Variants in MYO1C observed in about 807,000 individuals in gnomAD.
MYO1C encodes the protein unconventional myosin-Ic.
MYO1C carries 104 observed loss-of-function variants against 150.8 expected under a neutral mutation model. That is an observed-to-expected ratio of 0.69 (90% CI 0.59 to 0.81). The LOEUF is 0.81. MYO1C is among the 30% of genes least tolerant of loss of function. The probability of loss-of-function intolerance (pLI) is 0.00; values close to 1 mark genes in which losing one functional copy is unlikely to be tolerated. For missense variants in MYO1C, 1,504 were observed against 1,435.0 expected (o/e 1.05, Z -0.78); for synonymous variants, 663 against 579.9 (o/e 1.14, Z -2.06).
At position 1,469,620 on chromosome 17, in the gene MYO1C, G is replaced by A. The variant is rs1487390737; in HGVS notation, c.2527-6C>T. ...TCCCGCAGAAGCTCTGAGGCCTAAGGGGAGGAGTGAGGTCAGAGGTCCTGG... is the reference window on the plus strand; with the variant it reads ...TCCCGCAGAAGCTCTGAGGCCTAAGAGGAGGAGTGAGGTCAGAGGTCCTGG... On this transcript the variant is annotated splice_region_variant and splice_polypyrimidine_tract_variant and intron_variant, in intron 24 of 31. Coordinates refer to ENST00000648651, the MANE Select transcript of MYO1C (RefSeq NM_001080779.2). 1.2e-6 allele frequency: 2 copies of A among 1,608,340 alleles called. No homozygotes were observed. The highest frequency in any genetic ancestry group is 1.7e-5 in the Admixed American group (1 of 59,768).
chr17:1,472,049 C>CA, intron 18 of MYO1C, 25 bp from the exon 19 acceptor site: 1 of 1,612,818 alleles, frequency 6.2e-7, no homozygotes, highest in Non-Finnish European at 8.5e-7. Context: ...GCGCCGTGGT[C>CA]AGCGGGCTGG....
rs755774407 is a variant in MYO1C, at chr17:1,467,291, G to A, written c.3116C>T (p.Pro1039Leu). 6.2e-6 allele frequency: 10 copies of A among 1,613,552 alleles called. No individual in the cohort carries two copies. In the African/African-American group the frequency reaches 1.3e-4, roughly 22 times the overall value. Reference protein sequence around the residue: ...PGRDGTIDFTPGSELLITKAK... With the variant: ...PGRDGTIDFTLGSELLITKAK... ...CTTGGTGATGAGCAGCTCCGAGCCGGGTGTGAAGTCAATGGTGCCATCCCT... is the reference window on the plus strand; with the variant it reads ...CTTGGTGATGAGCAGCTCCGAGCCGAGTGTGAAGTCAATGGTGCCATCCCT... Residue 1039 changes from proline (P) to leucine (L), a missense_variant, in exon 31 of 32, where the codon CCC becomes CTC. Transcript: ENST00000648651.
rs1442034349 is a variant in MYO1C at position 1,474,923 on chromosome 17, C to T, written c.1669+15G>A. 4.4e-6 allele frequency: 7 copies of T among 1,608,554 alleles called. No homozygotes were observed. Among genetic ancestry groups the T allele is most frequent in the Non-Finnish European group, 5.9e-6 (7 of 1,177,244 alleles). On this transcript the variant is annotated intron_variant, in intron 15 of 31. Transcript: ENST00000648651. ...CCCGCAGGCCCCTGTGGGGACACAG[C>T]CCCAGGATCCTCACCGGTCACGCTG... is the stretch of plus-strand genomic sequence containing the variant.
intron 1 of MYO1C, chr17:1,491,651 T>G (rs1303470832): frequency 1.0e-6 from 1 of 980,346 alleles, no homozygotes; most frequent in Non-Finnish European, 1.2e-6. Context: ...CGTGGCGGGC[T>G]TGGGGATCCG....
chr17:1,483,545 G>A (rs1040373411), intron 3 of MYO1C, 65 bp downstream of exon 3: 16 of 1,164,428 alleles, frequency 1.4e-5, no homozygotes, highest in Non-Finnish European at 1.9e-5. Context: ...GTAAGGTAAG[G>A]GTTGGGCGGG....
rs182385940 is a variant in MYO1C, at chr17:1,469,193, G to A, written c.2610+338C>T. 1.8e-5 allele frequency: 7 copies of A among 384,816 alleles called. No individual in the cohort carries two copies. In the East Asian group the frequency reaches 2.4e-4, roughly 13 times the overall value. The allele number at this position is 384,816 out of a possible 1,614,324, so 23.8% of individuals were successfully genotyped here. A position where few individuals can be genotyped will look rare whatever the true frequency, so the allele number is the denominator to read the frequency against. On this transcript the variant is annotated intron_variant, in intron 25 of 31. Coordinates refer to ENST00000648651, the MANE Select transcript of MYO1C (RefSeq NM_001080779.2). Reference sequence around the variant, plus strand: ...GTAGACCGGGGTAAATACGGTAGGCGGGGTAAATATGGTAGGCAGGGCAAA... The same window carrying A: ...GTAGACCGGGGTAAATACGGTAGGCAGGGTAAATATGGTAGGCAGGGCAAA...
intron 14 of MYO1C, 48 bp downstream of exon 14, chr17:1,477,457 C>T: frequency 6.4e-7 from 1 of 1,554,602 alleles, no homozygotes; most frequent in South Asian, 1.1e-5. Context: ...TCCGCAGGCT[C>T]TGCTGCAAGT....
At chr17:1,475,834 G>C (rs1172177699) in intron 14 of MYO1C, among the ~76,000 whole-genome samples, 3 of 152,234 alleles carry the variant, frequency 2.0e-5, no homozygotes, top group Non-Finnish European at 4.4e-5. Context: ...GAAGGGCTGG[G>C]TGAGAGAGGG....
At chr17:1,474,882 G>C in intron 15 of MYO1C, 24 bp from the exon 16 acceptor site, 1 of 1,613,932 alleles carries the variant, frequency 6.2e-7, no homozygotes, top group Admixed American at 1.7e-5. Flanking sequence ...ACCGACGTGA[G>C]GTGAGACAGA....
intron 1 of MYO1C, among the ~76,000 whole-genome samples, chr17:1,488,224 C>G (rs941742957): frequency 6.6e-6 from 1 of 152,076 alleles, no homozygotes; most frequent in Non-Finnish European, 1.5e-5. Flanking sequence ...CCCGCTTCTT[C>G]CAGTTCCCGG....
At position 1,480,747 on chromosome 17, in the gene MYO1C, C is replaced by T; in HGVS notation, c.766G>A (p.Gly256Ser). The change falls in exon 6 of 32, where the codon GGC (glycine) becomes AGC (serine). Residue 256 changes from glycine (G) to serine (S), a missense_variant. By Grantham distance (56) the Gly-to-Ser change is moderately conservative. Transcript: ENST00000648651. ...GGEEETLRRL[G>S]LERNPQSYLY... ...TAGCTCTGGGGGTTCCGTTCCAAGCCCAGCCTGCGAAGAGTCTCCTCCTCG... is the reference window on the plus strand; with the variant it reads ...TAGCTCTGGGGGTTCCGTTCCAAGCTCAGCCTGCGAAGAGTCTCCTCCTCG... 6.2e-7 allele frequency: 1 copy of T among 1,614,174 alleles called. No homozygotes were observed. Among genetic ancestry groups the T allele is most frequent in the East Asian group, 2.2e-5 (1 of 44,866 alleles).
chr17:1,471,299 CCCA>C lies in MYO1C; in HGVS notation c.2056_2058del (p.Trp686del). On this transcript the variant is annotated inframe_deletion, in exon 20 of 32. Transcript: ENST00000648651. Reference sequence around the variant, plus strand: ...GCCACCCCATCCTGCGGCCGTCCTGCCCACGTGGGCCACGTCTCTGGGCACAGT... The same window carrying C: ...GCCACCCCATCCTGCGGCCGTCCTGCCGTGGGCCACGTCTCTGGGCACAGT... The C allele has an allele frequency of 6.2e-7, 1 of 1,613,946 alleles. No individual in the cohort carries two copies. Among genetic ancestry groups the C allele is most frequent in the Non-Finnish European group, 8.5e-7 (1 of 1,180,008 alleles).
At chr17:1,485,457 CT>C in intron 1 of MYO1C, 1 of 739,734 alleles carries the variant, frequency 1.4e-6, no homozygotes, top group Non-Finnish European at 1.7e-6. Flanking sequence ...CCCCCTCGCC[CT>C]CGGGTCAGGG....
chr17:1,466,153 CTTTTTTTTTTT>C (rs71148490), intron 31 of MYO1C, among the ~76,000 whole-genome samples: 1 of 91,600 alleles, frequency 1.1e-5, no homozygotes, highest in East Asian at 2.8e-4. Context: ...GCCGTGCTGC[CTTTTTTTTTTT>C]TTTTTTTTTT....
At chr17:1,471,197 A>G in intron 20 of MYO1C, 26 bp downstream of exon 20, 2 of 1,613,732 alleles carry the variant, frequency 1.2e-6, no homozygotes, top group African/African-American at 1.3e-5. Flanking sequence ...CATTCCCCGC[A>G]GGCACCCGGC....
intron 1 of MYO1C, chr17:1,487,092 C>T (rs1474017717): frequency 6.6e-6 from 1 of 152,406 alleles, no homozygotes; most frequent in Non-Finnish European, 1.5e-5. Context: ...ATGAGGCTAA[C>T]ACAGGCCTAG....
intron 17 of MYO1C, among the ~76,000 whole-genome samples, 162 bp downstream of exon 17, chr17:1,474,448 A>AGC: frequency 6.6e-6 from 1 of 150,578 alleles, no homozygotes; most frequent in Admixed American, 6.6e-5. Flanking sequence ...AAAAAAAAAA[A>AGC]AAGTAGGCAA....
At chr17:1,466,521 G>A (rs887832556) in intron 31 of MYO1C, among the ~76,000 whole-genome samples, 2 of 152,024 alleles carry the variant, frequency 1.3e-5, no homozygotes, top group Non-Finnish European at 1.5e-5. Flanking sequence ...TAGAGATGGG[G>A]TTTCTCCAGT....
intron 14 of MYO1C, among the ~76,000 whole-genome samples, chr17:1,476,043 G>A (rs2074397657): frequency 6.6e-6 from 1 of 152,182 alleles, no homozygotes; most frequent in African/African-American, 2.4e-5. Context: ...GATCACAGGT[G>A]GCTTTTGCGC....
Sources: allele counts gnomAD v4.1 joint callset (sites outside exome capture counted in the v4.1 genomes callset), GRCh38; gene constraint gnomAD v4.1.1; transcripts MANE v1.5; gene names NCBI Gene and HGNC (gene_info 2026-07-23, HGNC 2026-07-21).